The following EDIL3 variants were observed in gnomAD, a reference collection of about 807,000 sequenced individuals.
EDIL3 encodes EGF-like repeat and discoidin I-like domain-containing protein 3.
In EDIL3, 37 loss-of-function variants were observed where a neutral mutation model predicts 67.4. That is an observed-to-expected ratio of 0.55 (90% CI 0.42 to 0.72). The LOEUF (loss-of-function observed/expected upper bound fraction) is 0.72, where lower values mean the gene tolerates loss of function less well. EDIL3 is among the 30% of genes least tolerant of loss of function. EDIL3 has a pLI of 0.00. For synonymous variants in EDIL3, 195 were observed against 196.3 expected, an observed-to-expected ratio of 0.99 and a Z score of 0.05; for missense variants, 527 against 586.3, an observed-to-expected ratio of 0.90 and a Z score of 1.04.
intron 1 of EDIL3, among the ~76,000 whole-genome samples, chr5:84,371,594 T>C (rs1018552997): frequency 4.6e-5 from 7 of 151,108 alleles, no homozygotes; most frequent in Non-Finnish European, 1.0e-4. Flanking sequence ...TATTATTTAG[T>C]ACATATGTAC....
chr5:84,167,165 G>T (rs141047043), intron 4 of EDIL3, among the ~76,000 whole-genome samples: 1 of 151,958 alleles, frequency 6.6e-6, no homozygotes, highest in Non-Finnish European at 1.5e-5. Context: ...AAATCATTAG[G>T]AGCACGTCAT....
At chr5:84,307,053 G>T (rs1404182890) in intron 1 of EDIL3, among the ~76,000 whole-genome samples, 2 of 152,138 alleles carry the variant, frequency 1.3e-5, no homozygotes, top group African/African-American at 4.8e-5. Context: ...AGACAGAAAA[G>T]ACATAAATGA....
intron 1 of EDIL3, among the ~76,000 whole-genome samples, chr5:84,372,482 T>A (rs570039217): frequency 6.6e-6 from 1 of 152,252 alleles, no homozygotes; most frequent in Non-Finnish European, 1.5e-5. Context: ...GCAGACATAT[T>A]CGACATTCCT....
At chr5:84,140,536 C>T (rs538534822) in intron 4 of EDIL3, among the ~76,000 whole-genome samples, 43 of 152,104 alleles carry the variant, frequency 2.8e-4, no homozygotes, top group African/African-American at 9.9e-4. Flanking sequence ...ATCAGCAAAG[C>T]AAGTTATAAT....
chr5:84,187,878 C>T (rs1052986680), intron 3 of EDIL3, among the ~76,000 whole-genome samples: 3 of 151,926 alleles, frequency 2.0e-5, no homozygotes, highest in East Asian at 1.9e-4. Context: ...CCTTTGTAAA[C>T]GTAAATGTGC....
chr5:84,300,772 T>C (rs1426055645), intron 1 of EDIL3, among the ~76,000 whole-genome samples: 3 of 152,188 alleles, frequency 2.0e-5, no homozygotes, highest in African/African-American at 4.8e-5. Context: ...TGTATCTTCA[T>C]ACATAAACAA....
intron 1 of EDIL3, among the ~76,000 whole-genome samples, chr5:84,335,736 T>G (rs575654332): frequency 6.6e-6 from 1 of 152,206 alleles, no homozygotes; most frequent in Non-Finnish European, 1.5e-5. Flanking sequence ...AGAGGGGTTA[T>G]GGAAGATATC....
At chr5:84,232,217 G>T (rs1362356528) in intron 2 of EDIL3, among the ~76,000 whole-genome samples, 1 of 152,106 alleles carries the variant, frequency 6.6e-6, no homozygotes, top group Non-Finnish European at 1.5e-5. Context: ...AATAATGTTA[G>T]CTGGACTTAA....
At chr5:84,016,777 A>G (rs901950109) in intron 9 of EDIL3, among the ~76,000 whole-genome samples, 13 of 152,218 alleles carry the variant, frequency 8.5e-5, no homozygotes, top group Admixed American at 1.3e-4. Flanking sequence ...CCAGAAAAAT[A>G]TAAAAATATG....
intron 10 of EDIL3, among the ~76,000 whole-genome samples, chr5:83,949,455 G>A (rs1029358059): frequency 3.9e-5 from 6 of 151,976 alleles, no homozygotes; most frequent in South Asian, 2.1e-4. Context: ...GATCAAATGC[G>A]AAGAGGACTT....
chr5:84,311,567 TA>T (rs888665750), intron 1 of EDIL3, among the ~76,000 whole-genome samples: 2 of 151,572 alleles, frequency 1.3e-5, no homozygotes, highest in South Asian at 2.1e-4. Context: ...TTTTTTTTTT[TA>T]TTTTTTTTTT....
chr5:84,112,116 G>T (rs1423129613), intron 5 of EDIL3, among the ~76,000 whole-genome samples: 1 of 152,082 alleles, frequency 6.6e-6, no homozygotes, highest in Non-Finnish European at 1.5e-5. Context: ...AGATTATTTT[G>T]CAGAAGACGG....
At chr5:84,326,841 GAT>G (rs1300718891) in intron 1 of EDIL3, among the ~76,000 whole-genome samples, 1 of 151,350 alleles carries the variant, frequency 6.6e-6, no homozygotes, top group African/African-American at 2.4e-5. Flanking sequence ...AATACAATTA[GAT>G]ATATGTTGAA....
At chr5:84,285,126 T>C (rs765487726) in intron 1 of EDIL3, among the ~76,000 whole-genome samples, 2 of 152,186 alleles carry the variant, frequency 1.3e-5, no homozygotes, top group Non-Finnish European at 2.9e-5. Flanking sequence ...ACAGTAAATT[T>C]GAATGTTCTT....
At chr5:84,016,960 AT>A (rs1423579325) in intron 9 of EDIL3, among the ~76,000 whole-genome samples, 3 of 152,164 alleles carry the variant, frequency 2.0e-5, no homozygotes, top group African/African-American at 7.2e-5. Flanking sequence ...AGACACTTAA[AT>A]TTTTCCTGTG....
intron 1 of EDIL3, among the ~76,000 whole-genome samples, chr5:84,296,532 A>G (rs1359903204): frequency 6.9e-6 from 1 of 144,032 alleles, no homozygotes; most frequent in Non-Finnish European, 1.6e-5. Context: ...TTTTAAGCTG[A>G]TCAAACTAGT....
intron 4 of EDIL3, among the ~76,000 whole-genome samples, chr5:84,155,241 A>G (rs1345547701): frequency 6.6e-6 from 1 of 152,218 alleles, no homozygotes; most frequent in Non-Finnish European, 1.5e-5. Context: ...TTGGCTAGTC[A>G]TAGAAGTCTA....
chr5:84,074,895 C>A (rs1409749496), intron 6 of EDIL3, among the ~76,000 whole-genome samples: 2 of 152,162 alleles, frequency 1.3e-5, no homozygotes, highest in African/African-American at 4.8e-5. Flanking sequence ...AAGACACATG[C>A]ACACGTATGT....
intron 3 of EDIL3, among the ~76,000 whole-genome samples, chr5:84,224,814 G>A (rs1324897009): frequency 4.0e-5 from 6 of 151,372 alleles, no homozygotes; most frequent in Admixed American, 1.3e-4. Context: ...GATTCAGAAG[G>A]AAGTTTCAAA....
Sources: gnomAD v4.1 joint callset for allele counts (sites outside exome capture counted in the v4.1 genomes callset) on GRCh38, gnomAD v4.1.1 for gene constraint, MANE v1.5 for transcripts, NCBI Gene and HGNC (gene_info 2026-07-23, HGNC 2026-07-21) for gene names.